The following CDH4 variants were observed in gnomAD, a reference collection of about 807,000 sequenced individuals.
The protein encoded by CDH4 is cadherin 4.
In CDH4, 33 loss-of-function variants were observed where a neutral mutation model predicts 86.0. That is an observed-to-expected ratio of 0.38 (90% CI 0.29 to 0.51). CDH4 has a LOEUF of 0.51. Ranked by LOEUF, CDH4 falls within the 20% of genes least tolerant of loss-of-function variation. CDH4 has a pLI of 0.86. For missense variants in CDH4, 1,114 were observed against 1,307.4 expected, an observed-to-expected ratio of 0.85 and a Z score of 2.28; for synonymous variants, 555 against 549.4, an observed-to-expected ratio of 1.01 and a Z score of -0.14.
intron 11 of CDH4, among the ~76,000 whole-genome samples, chr20:61,926,126 GGCA>G (rs908534788): frequency 9.2e-5 from 14 of 152,366 alleles, no homozygotes; most frequent in Non-Finnish European, 2.1e-4. Context: ...AGATGATTCA[GGCA>G]GCAAGAAGAG....
intron 9 of CDH4, among the ~76,000 whole-genome samples, chr20:61,913,378 A>C (rs1310272255): frequency 4.6e-5 from 7 of 152,228 alleles, no homozygotes; most frequent in Non-Finnish European, 7.3e-5. Context: ...GCCTGGCCCT[A>C]TCTGCGCGGA....
chr20:61,898,838 G>A (rs1985250902), intron 8 of CDH4, among the ~76,000 whole-genome samples: 1 of 152,200 alleles, frequency 6.6e-6, no homozygotes, highest in African/African-American at 2.4e-5. Flanking sequence ...AAAATGCCAT[G>A]GGTGGTGCCC....
At chr20:61,711,046 C>G (rs1340842653) in intron 2 of CDH4, among the ~76,000 whole-genome samples, 1 of 152,194 alleles carries the variant, frequency 6.6e-6, no homozygotes, top group Non-Finnish European at 1.5e-5. Flanking sequence ...TCCCTCTAAT[C>G]TCCACGTGTC....
intron 2 of CDH4, among the ~76,000 whole-genome samples, chr20:61,655,381 TACACAC>T (rs755140464): frequency 6.6e-6 from 1 of 151,952 alleles, no homozygotes; most frequent in Non-Finnish European, 1.5e-5. Context: ...CACACACACT[TACACAC>T]ACACACATAC....
Position 61,365,391 on chromosome 20 carries a change from C to T in CDH4, c.169+110454C>T, listed in dbSNP as rs4074394. ...GAACATGGGCGTGGCTGGTCCATCA[C>T]GGGAGGGACGGGGTGGAAACCTGAG... On this transcript the variant is annotated intron_variant, in intron 2 of 15. Transcript: ENST00000614565. Among the ~76,000 whole-genome samples the T allele has an allele frequency of 4.6e-3, 707 of 152,044 alleles. 5 individuals carry two copies. The highest frequency in any genetic ancestry group is 0.016 in the African/African-American group (681 of 41,502).
intron 2 of CDH4, among the ~76,000 whole-genome samples, chr20:61,702,167 G>A (rs974158294): frequency 2.6e-5 from 4 of 152,222 alleles, no homozygotes; most frequent in African/African-American, 7.2e-5. Context: ...TGGCCGAGAA[G>A]CAATAAAACA....
intron 2 of CDH4, among the ~76,000 whole-genome samples, chr20:61,705,498 C>G (rs942248677): frequency 2.0e-5 from 3 of 152,274 alleles, no homozygotes; most frequent in African/African-American, 7.2e-5. Context: ...TGGCCATCTT[C>G]ACAGTGTCTT....
At chr20:61,906,947 C>T (rs1452650672) in intron 8 of CDH4, among the ~76,000 whole-genome samples, 1 of 152,156 alleles carries the variant, frequency 6.6e-6, no homozygotes, top group Non-Finnish European at 1.5e-5. Context: ...GGGGAGCTCA[C>T]TGGCCTTGAG....
chr20:61,565,950 G>A (rs1162940337), intron 2 of CDH4, among the ~76,000 whole-genome samples: 1 of 152,114 alleles, frequency 6.6e-6, no homozygotes, highest in African/African-American at 2.4e-5. Context: ...GTACACTGTT[G>A]CCTCCCACCT....
chr20:61,509,126 A>G lies in CDH4; in HGVS notation c.170-234437A>G, dbSNP rs542947342. Among the ~76,000 whole-genome samples, 364 of 152,192 alleles carry G rather than the reference A, an allele frequency of 2.4e-3. 1 individual carries two copies. The highest frequency in any genetic ancestry group is 0.024 in the Middle Eastern group (7 of 294). On this transcript the variant is annotated intron_variant, in intron 2 of 15. Transcript: ENST00000614565. ...AGATGGTAGGGTGGACCCAGGCACA[A>G]AGGCCGTGGCATCCTGCAGCAGGAG... is the stretch of plus-strand genomic sequence containing the variant.
intron 2 of CDH4, among the ~76,000 whole-genome samples, chr20:61,486,714 A>G (rs1600707468): frequency 4.2e-5 from 6 of 141,520 alleles, no homozygotes; most frequent in Admixed American, 3.8e-4. Context: ...ACATAAGGAG[A>G]CCTCACCTCT....
At chr20:61,683,748 C>T (rs766462095) in intron 2 of CDH4, among the ~76,000 whole-genome samples, 1 of 152,250 alleles carries the variant, frequency 6.6e-6, no homozygotes, top group South Asian at 2.1e-4. Flanking sequence ...CATACAGTTA[C>T]CACTCACTGT....
In CDH4 at chr20:61,903,540, T is replaced by TAAA. The variant is rs60370683; in HGVS notation, c.1189-6865_1189-6863dup. ...AGCGTGGGCAGCAGAAGAGACTCCA[T>TAAA]AAAAAAAAAAAAAAAAAAAGTGTAA... is the stretch of plus-strand genomic sequence containing the variant. On this transcript the variant is annotated intron_variant, in intron 8 of 15. Coordinates refer to ENST00000614565, the MANE Select transcript of CDH4 (RefSeq NM_001794.5). 1.3e-4 allele frequency among the ~76,000 whole-genome samples: 12 copies of TAAA among 90,882 alleles called. 1 individual carries two copies. The highest frequency in any genetic ancestry group is 3.4e-4 in the East Asian group (1 of 2,910). 59.6% of individuals were successfully genotyped at this position (90,882 alleles called of 152,430 possible). A position where few individuals can be genotyped will look rare whatever the true frequency, so the allele number is the denominator to read the frequency against.
At chr20:61,434,124 C>T (rs1382310393) in intron 2 of CDH4, among the ~76,000 whole-genome samples, 1 of 152,166 alleles carries the variant, frequency 6.6e-6, no homozygotes, top group African/African-American at 2.4e-5. Context: ...TTACTTCCAC[C>T]TTGGAGTATC....
intron 2 of CDH4, among the ~76,000 whole-genome samples, chr20:61,606,474 C>T (rs6121445): frequency 6.6e-6 from 1 of 152,220 alleles, no homozygotes; most frequent in Non-Finnish European, 1.5e-5. Context: ...GTCGCAAAGC[C>T]TGACAGTCTC....
At chr20:61,848,424 T>C (rs1314908757) in intron 5 of CDH4, among the ~76,000 whole-genome samples, 1 of 152,250 alleles carries the variant, frequency 6.6e-6, no homozygotes, top group Non-Finnish European at 1.5e-5. Context: ...CAGGCTGGAA[T>C]GCAGTGGTGC....
At chr20:61,411,149 T>TCCAC (rs1188818570) in intron 2 of CDH4, among the ~76,000 whole-genome samples, 1 of 151,756 alleles carries the variant, frequency 6.6e-6, no homozygotes, top group Admixed American at 6.6e-5. Context: ...CATCCATCCA[T>TCCAC]CCATCCATCC....
intron 2 of CDH4, among the ~76,000 whole-genome samples, chr20:61,438,112 T>C (rs2085295278): frequency 6.6e-6 from 1 of 152,234 alleles, no homozygotes; most frequent in Non-Finnish European, 1.5e-5. Context: ...CCCTGAACCC[T>C]GCTACAATTC....
chr20:61,422,125 T>C (rs576247807), intron 2 of CDH4, among the ~76,000 whole-genome samples: 1 of 152,298 alleles, frequency 6.6e-6, no homozygotes, highest in Non-Finnish European at 1.5e-5. Flanking sequence ...TTCCACTGCA[T>C]TGTCATTAAA....
Sources: gnomAD v4.1 joint callset for allele counts (sites outside exome capture counted in the v4.1 genomes callset) on GRCh38, gnomAD v4.1.1 for gene constraint, MANE v1.5 for transcripts, NCBI Gene and HGNC (gene_info 2026-07-23, HGNC 2026-07-21) for gene names.